MYH10: variants seen among roughly 807,000 people sequenced by gnomAD.
MYH10 encodes the protein myosin-10.
Under a neutral mutation model 257.8 loss-of-function variants are expected in MYH10, and 55 were observed. The ratio of observed to expected loss-of-function variants is 0.21; its 90% CI spans 0.17 to 0.27. The LOEUF (loss-of-function observed/expected upper bound fraction) is 0.27, where lower values mean the gene tolerates loss of function less well. Among genes scored for constraint, MYH10 ranks in the 10% least tolerant of loss-of-function variants. MYH10 has a pLI of 1.00. For missense variants in MYH10, 1,631 were observed against 2,500.6 expected (o/e 0.65, Z 7.42); for synonymous variants, 854 against 921.7 (o/e 0.93, Z 1.33).
At chr17:8,493,073 A>G (rs372550050) in intron 32 of MYH10, 49 bp from the exon 33 acceptor site, 26 of 1,579,878 alleles carry the variant, frequency 1.6e-5, no homozygotes, top group African/African-American at 1.4e-4. Flanking sequence ...AATGTACTCA[A>G]TTGGGGCCAG....
chr17:8,627,934 A>C (rs1451752968), intron 1 of MYH10, among the ~76,000 whole-genome samples: 1 of 152,248 alleles, frequency 6.6e-6, no homozygotes, highest in Non-Finnish European at 1.5e-5. Flanking sequence ...CACAGCTAAC[A>C]AGTAGCAGAG....
intron 14 of MYH10, among the ~76,000 whole-genome samples, chr17:8,536,967 G>T (rs1447369604): frequency 6.6e-6 from 1 of 152,136 alleles, no homozygotes; most frequent in African/African-American, 2.4e-5. Context: ...CCACAACTTT[G>T]TGAATATACT....
chr17:8,585,190 T>C (rs552478665), intron 4 of MYH10, among the ~76,000 whole-genome samples: 2 of 45,822 alleles, frequency 4.4e-5, no homozygotes, highest in African/African-American at 1.2e-4. Context: ...TGTGTGTGTG[T>C]ATATTATATA....
intron 37 of MYH10, among the ~76,000 whole-genome samples, chr17:8,482,065 G>A (rs1913914284): frequency 6.6e-6 from 1 of 152,210 alleles, no homozygotes; most frequent in Non-Finnish European, 1.5e-5. Context: ...CTGCCTGATG[G>A]CTGCTTTTCC....
Position 8,504,687 on chromosome 17 carries a change from C to T in MYH10, c.3599+7G>A. 6.2e-7 allele frequency: 1 copy of T among 1,613,246 alleles called. No individual in the cohort carries two copies. Among genetic ancestry groups the T allele is most frequent in the Non-Finnish European group, 8.5e-7 (1 of 1,179,746 alleles). ...CGCCCGGGCCCTGCTTCCTCTCCCA[C>T]ACTCACCGTAGTTCCTGCTGGGCTG... is the stretch of plus-strand genomic sequence containing the variant. On this transcript the variant is annotated splice_region_variant and intron_variant, in intron 28 of 42. Transcript: ENST00000360416. The surrounding 1 kb of genome is among the most constrained non-coding windows in gnomAD (Gnocchi z 5.6).
rs1316122322 is a variant in MYH10, at chr17:8,545,613, CACA to C, written c.1279-16_1279-14del. On this transcript the variant is annotated splice_polypyrimidine_tract_variant and intron_variant, in intron 12 of 42. Coordinates refer to ENST00000360416, the MANE Select transcript of MYH10 (RefSeq NM_001256012.3). The surrounding 1 kb of genome is among the most constrained non-coding windows in gnomAD (Gnocchi z 4.7). ...CTGCAAAATCTGCCTGTAATTAAATCACAACAACCTTTTATTCTGGAAACAATC... is the reference window on the plus strand; with the variant it reads ...CTGCAAAATCTGCCTGTAATTAAATCACAACCTTTTATTCTGGAAACAATC... 3 of 1,606,724 alleles carry C rather than the reference CACA, an allele frequency of 1.9e-6. No individual in the cohort carries two copies. The highest frequency in any genetic ancestry group is 1.3e-5 in the African/African-American group (1 of 74,208).
chr17:8,581,200 A>C (rs901915786), intron 4 of MYH10, among the ~76,000 whole-genome samples: 3 of 152,108 alleles, frequency 2.0e-5, no homozygotes, highest in African/African-American at 7.2e-5. Flanking sequence ...ATGGTAAAGA[A>C]TCTGGGTTTT....
rs777718031 is a variant in MYH10 at position 8,480,280 on chromosome 17, G to A, written c.5427C>T (p.Ser1809=). The change falls in exon 40 of 43, where the codon AGC becomes AGT. Residue 1809 remains serine (S), a synonymous_variant. Transcript: ENST00000360416. ...GTGCATTGTCACTCTTCTGGGCGGC[G>A]CTGCGCTCGGCTGCTAGCTCGGCGT... The part of the protein sequence containing the change: ...TLNAELAAER[S]AAQKSDNARQ... 42 of 1,613,952 alleles carry A rather than the reference G, an allele frequency of 2.6e-5. No individual in the cohort carries two copies. The highest frequency in any genetic ancestry group is 2.4e-4 in the South Asian group (22 of 91,090).
At chr17:8,507,520 G>A (rs1474991800) in intron 26 of MYH10, among the ~76,000 whole-genome samples, 1 of 152,168 alleles carries the variant, frequency 6.6e-6, no homozygotes, top group Non-Finnish European at 1.5e-5. Context: ...CTCTGTATCT[G>A]CCAGCTTTTA....
At chr17:8,595,333 C>G (rs1366656442) in intron 3 of MYH10, among the ~76,000 whole-genome samples, 3 of 151,826 alleles carry the variant, frequency 2.0e-5, no homozygotes, top group African/African-American at 7.3e-5. Flanking sequence ...TCCTTAATCC[C>G]TTCAATCTGT....
intron 4 of MYH10, 60 bp from the exon 5 acceptor site, chr17:8,577,398 T>A: frequency 1.1e-6 from 1 of 915,218 alleles, no homozygotes; most frequent in East Asian, 2.4e-5. Context: ...CATTCCAAAA[T>A]TACAACTGAT....
chr17:8,611,926 TG>T (rs2085054023), intron 2 of MYH10, among the ~76,000 whole-genome samples: 1 of 152,220 alleles, frequency 6.6e-6, no homozygotes. Flanking sequence ...CCAAGCTGAA[TG>T]CAGTAGTGCC....
At chr17:8,628,544 T>G (rs1360885230) in intron 1 of MYH10, among the ~76,000 whole-genome samples, 2 of 152,184 alleles carry the variant, frequency 1.3e-5, no homozygotes, top group Admixed American at 1.3e-4. Flanking sequence ...AAAACAGAAC[T>G]GTCCCAATTT....
chr17:8,606,693 G>T (rs1231521734), intron 2 of MYH10, among the ~76,000 whole-genome samples: 3 of 152,198 alleles, frequency 2.0e-5, no homozygotes, highest in Admixed American at 6.5e-5. Context: ...ACAATTGCAG[G>T]CTCAGATGTG....
chr17:8,512,931 T>C (rs991752167), intron 23 of MYH10, among the ~76,000 whole-genome samples: 5 of 152,162 alleles, frequency 3.3e-5, no homozygotes, highest in Non-Finnish European at 7.3e-5. Context: ...GACAGATAAA[T>C]AGGAGAGTGA....
chr17:8,545,420 C>G lies in MYH10; in HGVS notation c.1431+28G>C. 17 of 1,609,558 alleles carry G rather than the reference C, an allele frequency of 1.1e-5. No individual in the cohort carries two copies. Among genetic ancestry groups the G allele is most frequent in the Non-Finnish European group, 1.4e-5 (17 of 1,178,240 alleles). The stretch of plus-strand genomic sequence containing the variant: ...TTAAAAGAACAAACAAAAAGAAGGA[C>G]GAGCTAGAGGAAGAGGGGGAAGAAT... On this transcript the variant is annotated intron_variant, in intron 13 of 42. Coordinates refer to ENST00000360416, the MANE Select transcript of MYH10 (RefSeq NM_001256012.3). This position sits in a 1 kb window ranked among gnomAD's most constrained non-coding sequence, Gnocchi z 4.7.
intron 3 of MYH10, among the ~76,000 whole-genome samples, 191 bp downstream of exon 3, chr17:8,604,635 T>G: frequency 6.6e-6 from 1 of 152,028 alleles, no homozygotes; most frequent in Non-Finnish European, 1.5e-5. Context: ...AACATACTTA[T>G]CATACTTACA....
At chr17:8,546,038 T>C (rs1008726336) in intron 12 of MYH10, among the ~76,000 whole-genome samples, 1 of 152,146 alleles carries the variant, frequency 6.6e-6, no homozygotes, top group Non-Finnish European at 1.5e-5. Flanking sequence ...CATTTACTTT[T>C]TTTAAAAAAT....
In MYH10 at chr17:8,545,600, C is replaced by T. The variant is rs1430788690; in HGVS notation, c.1279G>A (p.Ala427Thr). The change falls in exon 13 of 43, where the codon GCA becomes ACA. Residue 427 changes from alanine (A) to threonine (T), a missense_variant and splice_region_variant. Transcript: ENST00000360416. This position sits in a 1 kb window ranked among gnomAD's most constrained non-coding sequence, Gnocchi z 4.7. Reference sequence around the variant, plus strand: ...GCCAATGCTTCTACTGCAAAATCTGCCTGTAATTAAATCACAACAACCTTT... The same window carrying T: ...GCCAATGCTTCTACTGCAAAATCTGTCTGTAATTAAATCACAACAACCTTT... ...YVQKAQTKEQADFAVEALAKA... is the reference protein window; with the variant it reads ...YVQKAQTKEQTDFAVEALAKA... 6.2e-7 allele frequency: 1 copy of T among 1,607,144 alleles called. No individual in the cohort carries two copies. Among genetic ancestry groups the T allele is most frequent in the Non-Finnish European group, 8.5e-7 (1 of 1,178,338 alleles).
Sources: allele counts gnomAD v4.1 joint callset (sites outside exome capture counted in the v4.1 genomes callset), GRCh38; gene constraint gnomAD v4.1.1; non-coding constraint Gnocchi (gnomAD v3.1); transcripts MANE v1.5; gene names NCBI Gene and HGNC (gene_info 2026-07-23, HGNC 2026-07-21).